Variants in ZNF75A observed in about 807,000 individuals in gnomAD.
The protein encoded by ZNF75A is zinc finger protein 75A.
ZNF75A carries 36 observed loss-of-function variants against 46.3 expected under a neutral mutation model. The observed-to-expected ratio is 0.78, with a 90% confidence interval of 0.60 to 1.03. ZNF75A has a LOEUF of 1.03. Ranked by LOEUF, ZNF75A falls within the 50% of genes least tolerant of loss-of-function variation. The pLI is 0.00. For synonymous variants in ZNF75A, 234 were observed against 189.9 expected (o/e 1.23, Z -1.91); for missense variants, 595 against 551.3 (o/e 1.08, Z -0.79).
intron 5 of ZNF75A, chr16:3,315,869 A>G (rs191577893): frequency 1.6e-4 from 24 of 152,150 alleles, no homozygotes; most frequent in African/African-American, 5.1e-4. Context: ...GCTCCTATGG[A>G]GTTCTTTGCA....
chr16:3,317,004 G>A lies in ZNF75A; in HGVS notation c.916G>A (p.Ala306Thr). The A allele has an allele frequency of 1.2e-6, 2 of 1,613,890 alleles. No homozygotes were observed. Among genetic ancestry groups the A allele is most frequent in the Non-Finnish European group, 1.7e-6 (2 of 1,179,832 alleles). ...VQVSPEFKDS[A>T]GKSPTGLKLK... ...AGTATCCCCGGAGTTTAAGGATAGT[G>A]CCGGAAAATCTCCTACAGGTAAATA... The change falls in exon 6 of 7, where the codon GCC becomes ACC. Residue 306 changes from alanine to threonine, a missense_variant. By Grantham distance (58) the Ala-to-Thr change is moderately conservative (BLOSUM62 0). Transcript: ENST00000669516.
intron 1 of ZNF75A, chr16:3,307,948 A>G (rs1164943980): frequency 6.6e-6 from 1 of 152,170 alleles, no homozygotes; most frequent in Non-Finnish European, 1.5e-5. Context: ...AGAATCTCAG[A>G]ATGTTTTCCT....
intron 2 of ZNF75A, chr16:3,309,137 A>G (rs1481281329): frequency 6.6e-6 from 1 of 152,158 alleles, no homozygotes; most frequent in East Asian, 1.9e-4. Flanking sequence ...GGACTTAAGT[A>G]CTTAGAAACA....
At chr16:3,314,208 A>T (rs561993990) in intron 5 of ZNF75A, among the ~76,000 whole-genome samples, 1 of 152,194 alleles carries the variant, frequency 6.6e-6, no homozygotes, top group Non-Finnish European at 1.5e-5. Context: ...AAGGTGTCCT[A>T]TCTTTCCAGA....
chr16:3,312,576 G>C (rs527883112), intron 3 of ZNF75A, 101 bp from the exon 4 acceptor site: 71 of 287,060 alleles, frequency 2.5e-4, no homozygotes, highest in Non-Finnish European at 3.3e-4. Flanking sequence ...ACGTGTAAAG[G>C]TGTCCCATCT....
chr16:3,315,068 A>C, intron 5 of ZNF75A: 1 of 984,818 alleles, frequency 1.0e-6, no homozygotes, highest in Non-Finnish European at 1.2e-6. Flanking sequence ...TCCTTGTCCT[A>C]CGTGGAGATC....
chr16:3,306,876 T>C (rs886702814), intron 1 of ZNF75A: 1 of 152,124 alleles, frequency 6.6e-6, no homozygotes, highest in Non-Finnish European at 1.5e-5. Flanking sequence ...GGGTTTCACT[T>C]ACCCGCTGTC....
intron 5 of ZNF75A, among the ~76,000 whole-genome samples, chr16:3,314,204 T>C (rs1285109700): frequency 6.6e-6 from 1 of 152,154 alleles, no homozygotes; most frequent in Admixed American, 6.5e-5. Flanking sequence ...TAAAAAGGTG[T>C]CCTATCTTTC....
At chr16:3,316,714 T>G (rs1281403008) in intron 5 of ZNF75A, 198 bp from the exon 6 acceptor site, 1 of 445,550 alleles carries the variant, frequency 2.2e-6, no homozygotes, top group African/African-American at 2.0e-5. Flanking sequence ...GTAGATTTAT[T>G]TCTTAGTCTC....
downstream of ZNF75A, chr16:3,323,198 G>C: frequency 2.9e-6 from 2 of 700,964 alleles, no homozygotes; most frequent in Non-Finnish European, 5.1e-6. Context: ...AGTTCAGCTG[G>C]CAGATGAGCT....
chr16:3,320,777 C>G (rs1359163116), downstream of ZNF75A, among the ~76,000 whole-genome samples: 2 of 152,200 alleles, frequency 1.3e-5, no homozygotes, highest in Non-Finnish European at 2.9e-5. Context: ...TGTTAACTAC[C>G]TCTGTTGTAT....
At chr16:3,308,138 GT>G (rs1461505178) in intron 1 of ZNF75A, 174 bp from the exon 2 acceptor site, 3 of 152,184 alleles carry the variant, frequency 2.0e-5, no homozygotes, top group African/African-American at 7.2e-5. Flanking sequence ...ACATTTGTGT[GT>G]TTTGTGCTGT....
At position 3,317,186 on chromosome 16, in the gene ZNF75A, A is replaced by T. The variant is rs777727660; in HGVS notation, c.935-4A>T. The T allele has an allele frequency of 3.7e-6, 6 of 1,602,392 alleles. No individual in the cohort carries two copies. Among genetic ancestry groups the T allele is most frequent in the Admixed American group, 1.7e-5 (1 of 57,684 alleles). On this transcript the variant is annotated splice_region_variant and splice_polypyrimidine_tract_variant and intron_variant, in intron 6 of 6. Coordinates refer to ENST00000669516, the MANE Select transcript of ZNF75A (RefSeq NM_001302109.2). Reference sequence around the variant, plus strand: ...CAGATGTGTGATTATGTTTATTCCAACAGGGTTAAAGCTCAAAAACGACAC... The same window carrying T: ...CAGATGTGTGATTATGTTTATTCCATCAGGGTTAAAGCTCAAAAACGACAC...
chr16:3,316,552 C>T (rs751370672), intron 5 of ZNF75A: 8 of 163,224 alleles, frequency 4.9e-5, no homozygotes, highest in African/African-American at 7.1e-5. Context: ...CTTATCCAGG[C>T]TGAGTCCTTC....
At chr16:3,320,852 G>T (rs905152199), downstream of ZNF75A, among the ~76,000 whole-genome samples, 2 of 152,238 alleles carry the variant, frequency 1.3e-5, no homozygotes, top group Non-Finnish European at 2.9e-5. Flanking sequence ...GTCCAGATCA[G>T]TGTAGACAGT....
downstream of ZNF75A, chr16:3,323,041 CT>C (rs113731229): frequency 1.2e-3 from 629 of 527,066 alleles, no homozygotes; most frequent in Non-Finnish European, 1.4e-3. Flanking sequence ...AAGCTACTGT[CT>C]TTTTTTTTAA....
intron 5 of ZNF75A, among the ~76,000 whole-genome samples, chr16:3,315,605 C>T (rs544529941): frequency 3.3e-5 from 5 of 152,302 alleles, no homozygotes; most frequent in Admixed American, 1.3e-4. Context: ...GTTTCAGCCC[C>T]TTGCACTGCC....
chr16:3,323,317 A>G, downstream of ZNF75A: 3 of 1,071,386 alleles, frequency 2.8e-6, no homozygotes, highest in African/African-American at 1.5e-5. Context: ...CAAAAGAACC[A>G]TGAGATCTCC....
rs199526433 is a variant in ZNF75A, at chr16:3,317,840, C to T, written c.1585C>T (p.Leu529Phe). Residue 529 changes from leucine (L) to phenylalanine (F), a missense_variant, in exon 7 of 7, where the codon CTT becomes TTT. Transcript: ENST00000669516. ...CRRNFSRRSSLLRHQKLHL is the reference protein window; with the variant it reads ...CRRNFSRRSSFLRHQKLHL ...GAGAAACTTCAGCAGGCGGTCAAGC[C>T]TTCTTAGACACCAGAAACTCCACCT... 1.4e-5 allele frequency: 22 copies of T among 1,610,712 alleles called. No homozygotes were observed. Among genetic ancestry groups the T allele is most frequent in the South Asian group, 2.2e-5 (2 of 90,582 alleles).
Sources: allele counts gnomAD v4.1 joint callset (sites outside exome capture counted in the v4.1 genomes callset), GRCh38; gene constraint gnomAD v4.1.1; transcripts MANE v1.5; gene names NCBI Gene and HGNC (gene_info 2026-07-23, HGNC 2026-07-21).